Variants in HAUS6 observed in about 807,000 individuals in gnomAD.
The protein encoded by HAUS6 is HAUS augmin like complex subunit 6, also known as HAUS augmin-like complex subunit 6.
In HAUS6, 80 loss-of-function variants were observed where a neutral mutation model predicts 106.8. The ratio of observed to expected loss-of-function variants is 0.75; its 90% CI spans 0.63 to 0.90. The LOEUF is 0.90. HAUS6 is among the 40% of genes least tolerant of loss of function. HAUS6 has a pLI of 0.00. For missense variants in HAUS6, 1,155 were observed against 1,118.1 expected, an observed-to-expected ratio of 1.03 and a Z score of -0.47; for synonymous variants, 356 against 379.1, an observed-to-expected ratio of 0.94 and a Z score of 0.71.
intron 11 of HAUS6, among the ~76,000 whole-genome samples, chr9:19,074,202 G>A (rs537995896): frequency 3.3e-5 from 5 of 152,004 alleles, no homozygotes; most frequent in African/African-American, 9.7e-5. Context: ...AGCCGAGATC[G>A]CACCACTGCA....
intron 13 of HAUS6, 35 bp downstream of exon 13, chr9:19,063,479 G>C: frequency 9.6e-7 from 1 of 1,040,402 alleles, no homozygotes; most frequent in South Asian, 1.4e-5. Context: ...ATTTAGTATG[G>C]TCCAGAATTA....
chr9:19,083,537 T>C (rs1165518188), intron 7 of HAUS6, among the ~76,000 whole-genome samples: 1 of 152,096 alleles, frequency 6.6e-6, no homozygotes, highest in East Asian at 1.9e-4. Context: ...GCGCAGTGGC[T>C]CACGTCTGTA....
chr9:19,071,629 A>C (rs1836883480), intron 11 of HAUS6, among the ~76,000 whole-genome samples: 1 of 143,122 alleles, frequency 7.0e-6, no homozygotes, highest in Admixed American at 7.4e-5. Context: ...GGCTGACTGC[A>C]GTACCACAAT....
chr9:19,090,874 G>C (rs1192289345), intron 4 of HAUS6, among the ~76,000 whole-genome samples: 1 of 152,150 alleles, frequency 6.6e-6, no homozygotes, highest in Non-Finnish European at 1.5e-5. Flanking sequence ...ATATTTCAGA[G>C]TTCAGGTTTT....
chr9:19,087,710 C>T (rs1837330806), intron 5 of HAUS6, among the ~76,000 whole-genome samples: 2 of 151,902 alleles, frequency 1.3e-5, no homozygotes, highest in South Asian at 2.1e-4. Flanking sequence ...TAAAAATTAG[C>T]TGGGTGTGGT....
At chr9:19,093,507 G>C (rs916799426) in intron 3 of HAUS6, among the ~76,000 whole-genome samples, 4 of 152,244 alleles carry the variant, frequency 2.6e-5, no homozygotes, top group African/African-American at 9.6e-5. Flanking sequence ...GTGCAGCAGA[G>C]TGCAAAGCAA....
At chr9:19,093,038 C>T in intron 4 of HAUS6, 133 bp downstream of exon 4, 1 of 637,610 alleles carries the variant, frequency 1.6e-6, no homozygotes, top group Non-Finnish European at 2.7e-6. Flanking sequence ...GAATATTAAC[C>T]ATTTCCTTTT....
intron 5 of HAUS6, among the ~76,000 whole-genome samples, chr9:19,087,363 T>A (rs1837322994): frequency 6.6e-6 from 1 of 152,180 alleles, no homozygotes; most frequent in African/African-American, 2.4e-5. Context: ...TAGGTTAGTA[T>A]ATCCTCTCCG....
chr9:19,063,419 T>A, intron 13 of HAUS6, 95 bp downstream of exon 13: 1 of 698,896 alleles, frequency 1.4e-6, no homozygotes. Flanking sequence ...AATGTGAAAT[T>A]AGAAATTAAA....
At chr9:19,091,853 G>A (rs1265124079) in intron 4 of HAUS6, among the ~76,000 whole-genome samples, 3 of 151,890 alleles carry the variant, frequency 2.0e-5, no homozygotes, top group Non-Finnish European at 4.4e-5. Context: ...GTAATGACAG[G>A]GTTTCACCAT....
At chr9:19,088,967 C>T (rs959578453) in intron 5 of HAUS6, among the ~76,000 whole-genome samples, 1 of 150,590 alleles carries the variant, frequency 6.6e-6, no homozygotes, top group Non-Finnish European at 1.5e-5. Flanking sequence ...CTATAGCCAG[C>T]CACAGTGGCT....
chr9:19,070,374 C>T (rs1476386260), intron 11 of HAUS6, 74 bp from the exon 12 acceptor site: 7 of 836,666 alleles, frequency 8.4e-6, no homozygotes, highest in South Asian at 4.6e-5. Flanking sequence ...CCTTGAAATT[C>T]GAGAACAACT....
intron 4 of HAUS6, among the ~76,000 whole-genome samples, chr9:19,092,539 C>G (rs1035490775): frequency 5.5e-5 from 8 of 146,538 alleles, no homozygotes; most frequent in Admixed American, 2.1e-4. Flanking sequence ...CGCTTGAACC[C>G]AGGAGGCAGA....
In HAUS6 at chr9:19,067,103, T is replaced by C. The variant is rs114564616; in HGVS notation, c.1376+3116A>G. Among the ~76,000 whole-genome samples the C allele has an allele frequency of 7.9e-3, 1,198 of 152,288 alleles. 14 individuals are homozygous for C. The highest frequency in any genetic ancestry group is 0.028 in the African/African-American group (1,149 of 41,556). ...GCATGTGATAGGGCTGATAACACTC[T>C]CTAAAAACTACATTCTTTCCATGCT... On this transcript the variant is annotated intron_variant, in intron 12 of 16. Coordinates refer to ENST00000380502, the MANE Select transcript of HAUS6 (RefSeq NM_017645.5).
chr9:19,077,018 GT>G (rs1837024281), intron 10 of HAUS6, among the ~76,000 whole-genome samples: 1 of 151,992 alleles, frequency 6.6e-6, no homozygotes, highest in Non-Finnish European at 1.5e-5. Context: ...TTTGGGGGTT[GT>G]TTTTGGTAGA....
intron 11 of HAUS6, among the ~76,000 whole-genome samples, chr9:19,075,620 A>G (rs1294492413): frequency 6.6e-6 from 1 of 152,244 alleles, no homozygotes. Flanking sequence ...GACTTCATTT[A>G]TATGAAATAT....
rs960089995 is a variant in HAUS6 at position 19,089,639 on chromosome 9, C to G, written c.437-80G>C. The G allele has an allele frequency of 4.3e-5, 45 of 1,045,232 alleles. No individual in the cohort carries two copies. The African/African-American group carries it at 6.9e-4, about 16-fold the overall frequency. 64.7% of individuals were successfully genotyped at this position (1,045,232 alleles called of 1,614,324 possible). ...TTATCAGAAATGAACATTAGTGTCA[C>G]TAACGTTGGTGGTATACAATCTCCC... On this transcript the variant is annotated intron_variant, in intron 4 of 16. Coordinates refer to ENST00000380502, the MANE Select transcript of HAUS6 (RefSeq NM_017645.5).
At position 19,058,181 on chromosome 9, in the gene HAUS6, G is replaced by A. The variant is rs1190164191; in HGVS notation, c.2586C>T (p.His862=). Residue 862 remains histidine, a synonymous_variant, in exon 16 of 17, where the codon CAC becomes CAT. Transcript: ENST00000380502. ...YLSNSQTPER[H]KPELSPTPQN... Reference sequence around the variant, plus strand: ...GGGGAGTAGGGCTCAATTCTGGTTTGTGTCTTTCGGGTGTTTGGGAATTCG... The same window carrying A: ...GGGGAGTAGGGCTCAATTCTGGTTTATGTCTTTCGGGTGTTTGGGAATTCG... 1 of 1,613,842 alleles carries A rather than the reference G, an allele frequency of 6.2e-7. No homozygotes were observed. The highest frequency in any genetic ancestry group is 1.1e-5 in the South Asian group (1 of 91,066).
chr9:19,087,377 A>C (rs1449055765), intron 5 of HAUS6, among the ~76,000 whole-genome samples: 1 of 152,202 alleles, frequency 6.6e-6, no homozygotes, highest in Non-Finnish European at 1.5e-5. Context: ...CTCTCCGATT[A>C]AAATGATGGA....
Sources: gnomAD v4.1 joint callset for allele counts (sites outside exome capture counted in the v4.1 genomes callset) on GRCh38, gnomAD v4.1.1 for gene constraint, MANE v1.5 for transcripts, NCBI Gene and HGNC (gene_info 2026-07-23, HGNC 2026-07-21) for gene names.